MCF2L2: variants seen among roughly 807,000 people sequenced by gnomAD.
The protein encoded by MCF2L2 is probable guanine nucleotide exchange factor MCF2L2.
Under a neutral mutation model 150.2 loss-of-function variants are expected in MCF2L2, and 102 were observed. That is an observed-to-expected ratio of 0.68 (90% CI 0.58 to 0.80). MCF2L2 has a LOEUF of 0.80. Among genes scored for constraint, MCF2L2 ranks in the 30% least tolerant of loss-of-function variants. MCF2L2 has a pLI of 0.00. For synonymous variants in MCF2L2, 465 were observed against 491.3 expected, an observed-to-expected ratio of 0.95 and a Z score of 0.71; for missense variants, 1,256 against 1,372.8, an observed-to-expected ratio of 0.91 and a Z score of 1.34.
chr3:183,330,180 G>A (rs1483941497), intron 5 of MCF2L2, among the ~76,000 whole-genome samples: 1 of 145,340 alleles, frequency 6.9e-6, no homozygotes, highest in African/African-American at 2.6e-5. Context: ...CAGAGTCTGA[G>A]GTTACACTGA....
intron 15 of MCF2L2, among the ~76,000 whole-genome samples, chr3:183,251,328 AG>A (rs1280934155): frequency 6.6e-6 from 1 of 152,170 alleles, no homozygotes; most frequent in East Asian, 1.9e-4. Flanking sequence ...TTAGTAACAC[AG>A]GCCTCTTCCT....
chr3:183,215,328 A>C (rs1370187564), intron 22 of MCF2L2, among the ~76,000 whole-genome samples: 1 of 152,056 alleles, frequency 6.6e-6, no homozygotes, highest in East Asian at 1.9e-4. Flanking sequence ...AGTAAAAAAC[A>C]AAACAAGTCG....
rs528805500 is a variant in MCF2L2 at position 183,428,152 on chromosome 3, G to C, written c.-175C>G. The C allele has an allele frequency of 1.7e-6, 1 of 592,076 alleles. No homozygotes were observed. Among genetic ancestry groups the C allele is most frequent in the African/African-American group, 1.9e-5 (1 of 52,870 alleles). The allele number at this position is 592,076 out of a possible 1,614,324, so 36.7% of individuals were successfully genotyped here. A position where few individuals can be genotyped will look rare whatever the true frequency, so the allele number is the denominator to read the frequency against. ...GCCTAGGCCAGCTCTCCCTCGCCAC[G>C]CCCCGCGGGGGCTCCCGTGACAGAC... is the stretch of plus-strand genomic sequence containing the variant. On this transcript the variant is annotated 5_prime_UTR_variant, in exon 1 of 30. Coordinates refer to ENST00000328913, the MANE Select transcript of MCF2L2 (RefSeq NM_015078.4). This position sits in a 1 kb window ranked among gnomAD's most constrained non-coding sequence, Gnocchi z 5.1.
rs774347631 is a variant in MCF2L2 at position 183,300,097 on chromosome 3, G to T, written c.1213C>A (p.Leu405Ile). ...ATGAAATCGTCACAGAGGTGCCTGAGCTCCACACACCGGGGCCTGATGGCA... is the reference window on the plus strand; with the variant it reads ...ATGAAATCGTCACAGAGGTGCCTGATCTCCACACACCGGGGCCTGATGGCA... ...ADAIRPRCVE[L>I]RHLCDDFING... The change falls in exon 11 of 30, where the codon CTC becomes ATC. Residue 405 changes from leucine to isoleucine, a missense_variant. Leu to Ile is a conservative substitution (Grantham distance 5, BLOSUM62 2). Transcript: ENST00000328913. 6.2e-7 allele frequency: 1 copy of T among 1,613,794 alleles called. No individual in the cohort carries two copies. The highest frequency in any genetic ancestry group is 8.5e-7 in the Non-Finnish European group (1 of 1,179,922).
chr3:183,403,601 G>A (rs1488774873), intron 1 of MCF2L2, among the ~76,000 whole-genome samples: 1 of 152,174 alleles, frequency 6.6e-6, no homozygotes, highest in Non-Finnish European at 1.5e-5. Flanking sequence ...ATCCTGCCAG[G>A]TTGTAAATTA....
chr3:183,209,348 TA>T (rs1722605380), intron 22 of MCF2L2, among the ~76,000 whole-genome samples: 1 of 152,210 alleles, frequency 6.6e-6, no homozygotes, highest in African/African-American at 2.4e-5. Context: ...ATCCATAATT[TA>T]AAAAATCTGA....
intron 14 of MCF2L2, among the ~76,000 whole-genome samples, chr3:183,282,825 T>A (rs947613173): frequency 2.6e-5 from 4 of 152,200 alleles, no homozygotes; most frequent in African/African-American, 9.7e-5. Flanking sequence ...TACAAATAAT[T>A]GCCACACAGC....
chr3:183,217,536 T>C (rs991290627), intron 21 of MCF2L2, among the ~76,000 whole-genome samples: 4 of 152,104 alleles, frequency 2.6e-5, no homozygotes, highest in African/African-American at 9.7e-5. Context: ...ATATTTAATG[T>C]GGAAGCCTTA....
At chr3:183,272,154 G>A (rs958620590) in intron 15 of MCF2L2, 37 of 1,000,284 alleles carry the variant, frequency 3.7e-5, no homozygotes, top group Non-Finnish European at 4.5e-5. Flanking sequence ...TTTTAAAGCT[G>A]CATGTTCCTT....
chr3:183,272,660 C>A (rs1301445393), intron 15 of MCF2L2: 1 of 1,003,044 alleles, frequency 1.0e-6, no homozygotes, highest in Non-Finnish European at 1.2e-6. Flanking sequence ...TAGATCATTA[C>A]AGTTTAAGTT....
chr3:183,370,420 T>G (rs924947764), intron 3 of MCF2L2, among the ~76,000 whole-genome samples: 1 of 152,168 alleles, frequency 6.6e-6, no homozygotes, highest in Non-Finnish European at 1.5e-5. Flanking sequence ...AGAAGAAAAA[T>G]CATGCATCAA....
At chr3:183,350,629 G>A (rs1359770941) in intron 3 of MCF2L2, among the ~76,000 whole-genome samples, 2 of 152,204 alleles carry the variant, frequency 1.3e-5, no homozygotes, top group East Asian at 3.9e-4. Flanking sequence ...TAGAGGCCGG[G>A]CGCGGGGGCT....
intron 1 of MCF2L2, among the ~76,000 whole-genome samples, chr3:183,392,069 GA>G (rs1455708641): frequency 2.6e-5 from 4 of 152,286 alleles, no homozygotes; most frequent in African/African-American, 9.6e-5. Flanking sequence ...GCATATTTCA[GA>G]GATGATGAAC....
chr3:183,269,230 C>CTGTTTTTTTTTTTTTTTTTTTTT (rs1726467965), intron 15 of MCF2L2, among the ~76,000 whole-genome samples: 1 of 81,030 alleles, frequency 1.2e-5, no homozygotes, highest in Non-Finnish European at 2.2e-5. Context: ...GTTTGGGAAG[C>CTGTTTTTTTTTTTTTTTTTTTTT]TTTTTTTTTT....
rs1022815259 is a variant in MCF2L2 at position 183,179,453 on chromosome 3, A to G, written c.3272T>C (p.Leu1091Pro). ...EERAGASTGR[L>P]APAGATAGFQ... ...ACCAGCCGTCGCCCCCGCAGGAGCC[A>G]GCCGGCCCGTGGACGCCCCAGCGCG... Residue 1091 changes from leucine (L) to proline (P), a missense_variant, in exon 30 of 30, where the codon CTG becomes CCG. Physicochemically the swap from Leu to Pro is moderately conservative, Grantham distance 98. Coordinates refer to ENST00000328913, the MANE Select transcript of MCF2L2 (RefSeq NM_015078.4). This position sits in a 1 kb window ranked among gnomAD's most constrained non-coding sequence, Gnocchi z 4.2. The G allele has an allele frequency of 6.3e-7, 1 of 1,591,896 alleles. No homozygotes were observed. Among genetic ancestry groups the G allele is most frequent in the African/African-American group, 1.3e-5 (1 of 74,684 alleles).
At position 183,420,134 on chromosome 3, in the gene MCF2L2, G is replaced by A. The variant is rs559432332; in HGVS notation, c.76+7768C>T. On this transcript the variant is annotated intron_variant, in intron 1 of 29. Transcript: ENST00000328913. ...GTCAAAACCATTCAACAAGTCTCTA[G>A]GAAGTTCCAAACTTTCCCACATCTT... is the stretch of plus-strand genomic sequence containing the variant. Among the ~76,000 whole-genome samples, 8 of 152,298 alleles carry A rather than the reference G, an allele frequency of 5.3e-5. No homozygotes were observed. In the East Asian group the frequency reaches 1.3e-3, roughly 26 times the overall value.
chr3:183,244,577 G>GTCTA (rs1372769949), intron 15 of MCF2L2, among the ~76,000 whole-genome samples: 30 of 152,114 alleles, frequency 2.0e-4, no homozygotes, highest in African/African-American at 6.0e-4. Context: ...TAAGCCAATC[G>GTCTA]TCTAGTAGGT....
chr3:183,407,199 C>T (rs914037030), intron 1 of MCF2L2, among the ~76,000 whole-genome samples: 2 of 152,200 alleles, frequency 1.3e-5, no homozygotes, highest in East Asian at 3.8e-4. Flanking sequence ...GGAATATCTC[C>T]TCTGCTCCAT....
chr3:183,241,056 A>T (rs1177441887), intron 15 of MCF2L2, among the ~76,000 whole-genome samples: 1 of 152,240 alleles, frequency 6.6e-6, no homozygotes, highest in South Asian at 2.1e-4. Context: ...AGATAAAAAA[A>T]ATCAATGATT....
Sources: allele counts gnomAD v4.1 joint callset (sites outside exome capture counted in the v4.1 genomes callset), GRCh38; gene constraint gnomAD v4.1.1; non-coding constraint Gnocchi (gnomAD v3.1); transcripts MANE v1.5; gene names NCBI Gene and HGNC (gene_info 2026-07-23, HGNC 2026-07-21).